CLASP2: variants seen among roughly 807,000 people sequenced by gnomAD.
The protein encoded by CLASP2 is CLIP-associating protein 2.
In CLASP2, 47 loss-of-function variants were observed where a neutral mutation model predicts 194.4. The observed-to-expected ratio is 0.24, with a 90% confidence interval of 0.19 to 0.31. The LOEUF is 0.31. Ranked by LOEUF, CLASP2 falls within the 10% of genes least tolerant of loss-of-function variation. CLASP2 has a pLI of 1.00. For synonymous variants in CLASP2, 619 were observed against 633.5 expected, an observed-to-expected ratio of 0.98 and a Z score of 0.34; for missense variants, 1,445 against 1,823.6, an observed-to-expected ratio of 0.79 and a Z score of 3.78.
At chr3:33,588,685 TAA>T (rs2067977473) in intron 21 of CLASP2, 1 of 702,050 alleles carries the variant, frequency 1.4e-6, no homozygotes. Flanking sequence ...GATGCACACA[TAA>T]AGTCTATAGA....
chr3:33,621,550 CT>C (rs896694504), intron 11 of CLASP2, among the ~76,000 whole-genome samples: 2 of 151,788 alleles, frequency 1.3e-5, no homozygotes, highest in African/African-American at 2.4e-5. Flanking sequence ...CTTATATTGC[CT>C]TTTTTTTCTT....
At chr3:33,641,152 G>A (rs2081201947) in intron 8 of CLASP2, among the ~76,000 whole-genome samples, 1 of 151,530 alleles carries the variant, frequency 6.6e-6, no homozygotes. Flanking sequence ...TTAAATCTCA[G>A]AATCTTTCAT....
At chr3:33,683,021 A>C (rs921188002) in intron 6 of CLASP2, 1 of 152,214 alleles carries the variant, frequency 6.6e-6, no homozygotes, top group African/African-American at 2.4e-5. Context: ...AAGCTTTTAA[A>C]AAACTGATTC....
intron 6 of CLASP2, among the ~76,000 whole-genome samples, chr3:33,674,740 A>G (rs2088159843): frequency 6.6e-6 from 1 of 152,192 alleles, no homozygotes; most frequent in South Asian, 2.1e-4. Context: ...CCCAATAAAA[A>G]ATGATAAAGG....
chr3:33,555,612 C>T (rs978631236), intron 29 of CLASP2, among the ~76,000 whole-genome samples: 1 of 152,130 alleles, frequency 6.6e-6, no homozygotes. Flanking sequence ...TGGTGATCTG[C>T]CCACCTTGGT....
intron 21 of CLASP2, among the ~76,000 whole-genome samples, chr3:33,586,083 G>A (rs912665556): frequency 6.6e-6 from 1 of 151,996 alleles, no homozygotes; most frequent in African/African-American, 2.4e-5. Context: ...AAGTCCCAAG[G>A]GTAGAAGGGG....
Position 33,573,348 on chromosome 3 carries a change from G to T in CLASP2, c.2461C>A (p.Pro821Thr), listed in dbSNP as rs755187415. Residue 821 changes from proline (P) to threonine (T), a missense_variant, in exon 25 of 39, where the codon CCA becomes ACA. By Grantham distance (38) the Pro-to-Thr change is conservative. Coordinates refer to ENST00000682230, the MANE Select transcript of CLASP2 (RefSeq NM_001365631.1). ...TATGATTCATATCTTCTTCGAGCTG[G>T]TTTTTTCTGTTATACATCAAGAATC... ...EEAVADALKK[P>T]ARRRYESYGM... 11 of 1,613,386 alleles carry T rather than the reference G, an allele frequency of 6.8e-6. No homozygotes were observed. Among genetic ancestry groups the T allele is most frequent in the Middle Eastern group, 1.7e-4 (1 of 6,058 alleles).
chr3:33,703,577 T>C (rs563920231), intron 1 of CLASP2, among the ~76,000 whole-genome samples: 1 of 152,362 alleles, frequency 6.6e-6, no homozygotes, highest in South Asian at 2.1e-4. Flanking sequence ...GATCCAATGA[T>C]CATTCATGTT....
intron 1 of CLASP2, among the ~76,000 whole-genome samples, chr3:33,715,633 C>T (rs1357232598): frequency 2.6e-5 from 4 of 151,916 alleles, no homozygotes; most frequent in Non-Finnish European, 4.4e-5. Context: ...CTGGATGGAT[C>T]CTTAGCATCT....
At chr3:33,563,014 C>T (rs2062043086) in intron 27 of CLASP2, among the ~76,000 whole-genome samples, 1 of 152,116 alleles carries the variant, frequency 6.6e-6, no homozygotes, top group Non-Finnish European at 1.5e-5. Flanking sequence ...TCTAATTTAT[C>T]CAAGAAAGAA....
chr3:33,551,158 T>C, intron 30 of CLASP2, 94 bp downstream of exon 30: 1 of 1,093,934 alleles, frequency 9.1e-7, no homozygotes, highest in Non-Finnish European at 1.3e-6. Context: ...TGCTAATTGC[T>C]AAGGTCCTGA....
chr3:33,669,329 T>C (rs1277515524), intron 6 of CLASP2, among the ~76,000 whole-genome samples: 1 of 152,094 alleles, frequency 6.6e-6, no homozygotes, highest in East Asian at 1.9e-4. Flanking sequence ...GACAATTACA[T>C]ACAAGAATGT....
In CLASP2 at chr3:33,506,198, C is replaced by A. The variant is rs148914843; in HGVS notation, c.4317+4360G>T. ...GACCAGCCTGGCCAAGATGGTGAAA[C>A]CTTGTCTCTACTAAAAACTACAAAA... On this transcript the variant is annotated intron_variant, in intron 37 of 38. Coordinates refer to ENST00000682230, the MANE Select transcript of CLASP2 (RefSeq NM_001365631.1). Among the ~76,000 whole-genome samples the A allele has an allele frequency of 9.3e-3, 1,408 of 151,590 alleles. 14 individuals are homozygous for A. Among genetic ancestry groups the A allele is most frequent in the Non-Finnish European group, 0.016 (1,080 of 67,876 alleles).
At chr3:33,499,352 CTTT>C (rs11446264) in intron 38 of CLASP2, among the ~76,000 whole-genome samples, 2 of 137,040 alleles carry the variant, frequency 1.5e-5, no homozygotes, top group African/African-American at 2.7e-5. Flanking sequence ...TAGGGCAGTT[CTTT>C]TTTTTTTTTT....
intron 28 of CLASP2, among the ~76,000 whole-genome samples, chr3:33,560,575 T>C (rs993411958): frequency 1.3e-5 from 2 of 152,016 alleles, no homozygotes; most frequent in African/African-American, 4.8e-5. Flanking sequence ...AATACCACCT[T>C]GAACTACTCA....
chr3:33,503,429 CT>C (rs544142593), intron 37 of CLASP2: 301 of 141,976 alleles, frequency 2.1e-3, no homozygotes, highest in East Asian at 6.4e-3. Context: ...TATCTTTTTC[CT>C]TTTTTTTTTT....
intron 33 of CLASP2, among the ~76,000 whole-genome samples, chr3:33,536,767 A>G (rs928872601): frequency 6.6e-6 from 1 of 152,202 alleles, no homozygotes; most frequent in East Asian, 1.9e-4. Context: ...CAGTGGTGAG[A>G]ATAGGCTGAA....
At chr3:33,660,303 G>A (rs947935872) in intron 7 of CLASP2, among the ~76,000 whole-genome samples, 3 of 152,066 alleles carry the variant, frequency 2.0e-5, no homozygotes, top group African/African-American at 4.8e-5. Flanking sequence ...TTCTAGTCAC[G>A]ATCTGACAGA....
At chr3:33,688,584 T>C (rs1443908135) in intron 3 of CLASP2, among the ~76,000 whole-genome samples, 1 of 152,202 alleles carries the variant, frequency 6.6e-6, no homozygotes, top group African/African-American at 2.4e-5. Context: ...AGTACTTATA[T>C]ATATTTCACT....
Sources: gnomAD v4.1 joint callset for allele counts (sites outside exome capture counted in the v4.1 genomes callset) on GRCh38, gnomAD v4.1.1 for gene constraint, MANE v1.5 for transcripts, NCBI Gene and HGNC (gene_info 2026-07-23, HGNC 2026-07-21) for gene names.